The following PLEKHM3 variants were observed in gnomAD, a reference collection of about 807,000 sequenced individuals.
PLEKHM3 encodes the protein pleckstrin homology domain-containing family M member 3.
In PLEKHM3, 45 loss-of-function variants were observed where a neutral mutation model predicts 81.8. The ratio of observed to expected loss-of-function variants is 0.55; its 90% CI spans 0.43 to 0.71. The LOEUF (loss-of-function observed/expected upper bound fraction) is 0.71. PLEKHM3 is among the 30% of genes least tolerant of loss of function. PLEKHM3 has a pLI of 0.00. For missense variants in PLEKHM3, 788 were observed against 924.3 expected, an observed-to-expected ratio of 0.85 and a Z score of 1.91; for synonymous variants, 352 against 356.4, an observed-to-expected ratio of 0.99 and a Z score of 0.14.
chr2:208,011,282 T>C (rs1481061722), intron 1 of PLEKHM3, among the ~76,000 whole-genome samples: 1 of 152,168 alleles, frequency 6.6e-6, no homozygotes, highest in African/African-American at 2.4e-5. Context: ...AAAAGACACT[T>C]GCACATGCAT....
intron 3 of PLEKHM3, among the ~76,000 whole-genome samples, chr2:207,952,664 A>C (rs1439791264): frequency 2.0e-5 from 3 of 152,218 alleles, no homozygotes; most frequent in Non-Finnish European, 4.4e-5. Flanking sequence ...GGGCACAAGC[A>C]ATTTTTGCAA....
At chr2:208,002,270 A>T (rs1325819777) in intron 1 of PLEKHM3, among the ~76,000 whole-genome samples, 3 of 152,250 alleles carry the variant, frequency 2.0e-5, no homozygotes, top group Non-Finnish European at 2.9e-5. Context: ...CTGACCTAAA[A>T]TAGTAAGCAA....
At chr2:207,931,210 A>G (rs907765107) in intron 4 of PLEKHM3, 91 bp from the exon 5 acceptor site, 13 of 1,223,806 alleles carry the variant, frequency 1.1e-5, no homozygotes, top group Non-Finnish European at 1.3e-5. Flanking sequence ...ATATCAAAGG[A>G]ACACGATTAT....
intron 7 of PLEKHM3, among the ~76,000 whole-genome samples, chr2:207,840,846 G>C (rs937739674): frequency 1.4e-5 from 2 of 145,812 alleles, no homozygotes; most frequent in African/African-American, 5.1e-5. Context: ...TGTCACCCAG[G>C]CTGGAGTGCA....
rs754850981 is a variant in PLEKHM3, at chr2:207,901,257, G to A, written c.1950+7257C>T. ...GCCACATCCCGTGCCGAGCTCCCCC[G>A]ATCCTTCAATCATCTGTGGATCAGG... On this transcript the variant is annotated intron_variant, in intron 6 of 7. Coordinates refer to ENST00000427836, the MANE Select transcript of PLEKHM3 (RefSeq NM_001080475.3). 11 of 702,940 alleles carry A rather than the reference G, an allele frequency of 1.6e-5. 1 individual carries two copies. The highest frequency in any genetic ancestry group is 1.0e-4 in the South Asian group (7 of 67,602). 43.5% of individuals were successfully genotyped at this position (702,940 alleles called of 1,614,324 possible).
intron 3 of PLEKHM3, among the ~76,000 whole-genome samples, chr2:207,968,839 A>T (rs890360667): frequency 6.6e-6 from 1 of 152,214 alleles, no homozygotes; most frequent in African/African-American, 2.4e-5. Flanking sequence ...GACTTAGACA[A>T]TACAACATAA....
chr2:207,922,680 C>T (rs557987777), intron 5 of PLEKHM3, among the ~76,000 whole-genome samples: 7 of 152,108 alleles, frequency 4.6e-5, no homozygotes, highest in Non-Finnish European at 1.0e-4. Context: ...GGCGTGGTGG[C>T]GGGCGCCTGT....
chr2:207,858,228 C>T (rs1482576703), intron 7 of PLEKHM3, among the ~76,000 whole-genome samples: 4 of 146,506 alleles, frequency 2.7e-5, no homozygotes, highest in Non-Finnish European at 5.9e-5. Context: ...GGCTGGAGTG[C>T]AGTGGTGTGA....
At chr2:207,840,285 A>G (rs1237555107) in intron 7 of PLEKHM3, among the ~76,000 whole-genome samples, 1 of 152,120 alleles carries the variant, frequency 6.6e-6, no homozygotes, top group Non-Finnish European at 1.5e-5. Context: ...GCTGGACTCA[A>G]GGGATCCTCC....
intron 6 of PLEKHM3, among the ~76,000 whole-genome samples, chr2:207,880,685 C>T (rs1033422644): frequency 7.2e-6 from 1 of 138,736 alleles, no homozygotes; most frequent in African/African-American, 2.7e-5. Context: ...ATGGCGTGAA[C>T]CCGGGAGGCG....
intron 3 of PLEKHM3, among the ~76,000 whole-genome samples, chr2:207,958,878 T>C (rs55702178): frequency 0.016 from 2,376 of 152,094 alleles, 62 homozygotes; most frequent in African/African-American, 0.054. Flanking sequence ...CCACTGCACT[T>C]CAGCCTGGGC....
intron 6 of PLEKHM3, among the ~76,000 whole-genome samples, chr2:207,882,665 C>T (rs1011094183): frequency 6.7e-6 from 1 of 150,140 alleles, no homozygotes. Context: ...TTGGTTAATC[C>T]TACAGTCTAA....
At chr2:207,947,047 A>G (rs1477779176) in intron 3 of PLEKHM3, among the ~76,000 whole-genome samples, 1 of 152,212 alleles carries the variant, frequency 6.6e-6, no homozygotes, top group South Asian at 2.1e-4. Flanking sequence ...TGCTAAAATA[A>G]TCCCCAAAAC....
intron 6 of PLEKHM3, among the ~76,000 whole-genome samples, chr2:207,897,780 T>C (rs891405937): frequency 6.6e-6 from 1 of 152,154 alleles, no homozygotes; most frequent in Non-Finnish European, 1.5e-5. Flanking sequence ...CATCTTAATT[T>C]TGATTTCTAT....
At chr2:208,007,745 C>T (rs766823673) in intron 1 of PLEKHM3, among the ~76,000 whole-genome samples, 3 of 151,670 alleles carry the variant, frequency 2.0e-5, no homozygotes, top group Admixed American at 1.3e-4. Flanking sequence ...TAGTGAGACC[C>T]TTTCTCTACA....
chr2:207,943,370 T>A (rs1291900990), intron 4 of PLEKHM3, among the ~76,000 whole-genome samples: 1 of 152,140 alleles, frequency 6.6e-6, no homozygotes, highest in Non-Finnish European at 1.5e-5. Flanking sequence ...GCACAGAAGG[T>A]ACATTCAAGG....
chr2:207,882,957 A>G (rs1687747625), intron 6 of PLEKHM3, among the ~76,000 whole-genome samples: 1 of 152,054 alleles, frequency 6.6e-6, no homozygotes, highest in African/African-American at 2.4e-5. Flanking sequence ...CATGTTGCCC[A>G]GGCTGGTCTC....
chr2:207,997,913 C>A (rs1421575228), intron 2 of PLEKHM3, among the ~76,000 whole-genome samples: 2 of 152,142 alleles, frequency 1.3e-5, no homozygotes, highest in Non-Finnish European at 1.5e-5. Flanking sequence ...TTACTAACTT[C>A]AAAGGTTTTA....
intron 1 of PLEKHM3, among the ~76,000 whole-genome samples, chr2:208,013,336 C>T (rs1245351227): frequency 6.6e-6 from 1 of 151,540 alleles, no homozygotes; most frequent in East Asian, 1.9e-4. Context: ...GCCAACATAG[C>T]GAAACCCCAT....
Sources: allele counts gnomAD v4.1 joint callset (sites outside exome capture counted in the v4.1 genomes callset), GRCh38; gene constraint gnomAD v4.1.1; transcripts MANE v1.5; gene names NCBI Gene and HGNC (gene_info 2026-07-23, HGNC 2026-07-21).